Variants in PAWR observed in about 807,000 individuals in gnomAD.
The protein encoded by PAWR is pro-apoptotic WT1 regulator, also known as PRKC apoptosis WT1 regulator protein.
A neutral mutation model predicts 32.0 loss-of-function variants in PAWR; 23 were observed. The ratio of observed to expected loss-of-function variants is 0.72; its 90% CI spans 0.52 to 1.02. The LOEUF is 1.02. PAWR is among the 50% of genes least tolerant of loss of function. The pLI is 0.00. For synonymous variants in PAWR, 226 were observed against 187.1 expected (o/e 1.21, Z -1.70); for missense variants, 457 against 437.7 (o/e 1.04, Z -0.39).
At chr12:79,688,922 G>A (rs1021304279) in intron 2 of PAWR, among the ~76,000 whole-genome samples, 1 of 152,142 alleles carries the variant, frequency 6.6e-6, no homozygotes, top group South Asian at 2.1e-4. Flanking sequence ...GTAGAGGGAG[G>A]TGTGATTATA....
chr12:79,637,697 C>T (rs995673144), intron 2 of PAWR, among the ~76,000 whole-genome samples: 5 of 152,006 alleles, frequency 3.3e-5, no homozygotes, highest in African/African-American at 9.7e-5. Flanking sequence ...TAATATGCTA[C>T]GGTCTGCTAC....
chr12:79,599,645 C>T (rs1307432605), intron 4 of PAWR, among the ~76,000 whole-genome samples: 2 of 152,182 alleles, frequency 1.3e-5, no homozygotes, highest in Non-Finnish European at 2.9e-5. Flanking sequence ...CCAATGTGTT[C>T]ATCAAATTGT....
chr12:79,690,908 G>T lies in PAWR; in HGVS notation c.-184C>A, dbSNP rs1277165429. On this transcript the variant is annotated 5_prime_UTR_variant, in exon 1 of 7. Transcript: ENST00000328827. The stretch of plus-strand genomic sequence containing the variant: ...TTGTAGGGGACGAGGCGTAGGGCTG[G>T]GATCCGGCTCCCAGGTGTGCCGAAG... The T allele has an allele frequency of 6.6e-6, 1 of 152,238 alleles. No homozygotes were observed. The highest frequency in any genetic ancestry group is 1.5e-5 in the Non-Finnish European group (1 of 68,118). 9.4% of individuals were successfully genotyped at this position (152,238 alleles called of 1,614,324 possible).
At chr12:79,646,887 A>G (rs185872068) in intron 2 of PAWR, among the ~76,000 whole-genome samples, 1 of 152,248 alleles carries the variant, frequency 6.6e-6, no homozygotes, top group Non-Finnish European at 1.5e-5. Context: ...ATATTAACAT[A>G]GGCATTTTGG....
At chr12:79,609,647 T>C (rs539581443) in intron 4 of PAWR, among the ~76,000 whole-genome samples, 33 of 152,196 alleles carry the variant, frequency 2.2e-4, no homozygotes, top group African/African-American at 7.7e-4. Context: ...AAAGATTATC[T>C]TCCCACTCTA....
chr12:79,617,723 T>C (rs905840878), intron 3 of PAWR, among the ~76,000 whole-genome samples: 1 of 152,218 alleles, frequency 6.6e-6, no homozygotes, highest in Non-Finnish European at 1.5e-5. Context: ...TTAGCATATA[T>C]GTCTGATATA....
intron 2 of PAWR, 138 bp downstream of exon 2, chr12:79,689,591 T>G (rs1015999188): frequency 7.4e-6 from 7 of 951,674 alleles, no homozygotes; most frequent in Non-Finnish European, 1.1e-5. Context: ...CATCACCCCC[T>G]GCCTGCCTAA....
intron 4 of PAWR, among the ~76,000 whole-genome samples, chr12:79,612,033 T>C (rs965498999): frequency 1.3e-5 from 2 of 152,130 alleles, no homozygotes; most frequent in Non-Finnish European, 2.9e-5. Context: ...CCACAGTTTA[T>C]CTTTAGTCTC....
At chr12:79,690,767 C>T (rs1878982629) in intron 1 of PAWR, 105 bp downstream of exon 1, 1 of 152,570 alleles carries the variant, frequency 6.6e-6, no homozygotes. Context: ...GCTACAACCC[C>T]ACTCCCAAGG....
At chr12:79,594,705 G>A (rs556486879) in intron 5 of PAWR, among the ~76,000 whole-genome samples, 168 of 105,744 alleles carry the variant, frequency 1.6e-3, no homozygotes, top group African/African-American at 4.0e-3. Context: ...AACCTCGTGT[G>A]TGTGTGTGTG....
chr12:79,623,675 A>C (rs1274246098), intron 2 of PAWR, among the ~76,000 whole-genome samples: 2 of 152,304 alleles, frequency 1.3e-5, no homozygotes, highest in East Asian at 3.9e-4. Flanking sequence ...CTTAAGAAAA[A>C]TCTAGTATTG....
rs1417580379 is a variant in PAWR at position 79,588,525 on chromosome 12, C to G, written c.*4082G>C. On this transcript the variant is annotated 3_prime_UTR_variant, in exon 7 of 7. Coordinates refer to ENST00000328827, the MANE Select transcript of PAWR (RefSeq NM_002583.4). ...AGAACCTATTAACTAGATCTAAAAACAGTGGCTGAATACTTAACACAAAGA... is the reference window on the plus strand; with the variant it reads ...AGAACCTATTAACTAGATCTAAAAAGAGTGGCTGAATACTTAACACAAAGA... The G allele has an allele frequency of 1.3e-5, 2 of 151,846 alleles. No individual in the cohort carries two copies. The highest frequency in any genetic ancestry group is 2.9e-5 in the Non-Finnish European group (2 of 67,852). 9.4% of individuals were successfully genotyped at this position (151,846 alleles called of 1,614,324 possible).
At chr12:79,663,061 A>C (rs1434896562) in intron 2 of PAWR, among the ~76,000 whole-genome samples, 2 of 152,196 alleles carry the variant, frequency 1.3e-5, no homozygotes, top group African/African-American at 4.8e-5. Flanking sequence ...CCACCTACCT[A>C]ATTTTACACA....
chr12:79,677,869 G>C (rs1878244361), intron 2 of PAWR, among the ~76,000 whole-genome samples: 1 of 152,100 alleles, frequency 6.6e-6, no homozygotes, highest in Admixed American at 6.6e-5. Context: ...TTAAAGTGCA[G>C]GGCAAAGTAC....
chr12:79,620,865 C>T (rs940124168), intron 3 of PAWR, among the ~76,000 whole-genome samples: 1 of 152,016 alleles, frequency 6.6e-6, no homozygotes, highest in East Asian at 1.9e-4. Context: ...AACAGCCTAT[C>T]AAAGGATGCA....
intron 2 of PAWR, among the ~76,000 whole-genome samples, chr12:79,682,788 T>A (rs1366255107): frequency 6.6e-6 from 1 of 152,230 alleles, no homozygotes; most frequent in Non-Finnish European, 1.5e-5. Context: ...AAACAGAAAG[T>A]TGACTCAGCA....
chr12:79,639,874 CTATTCCT>C (rs1288186942), intron 2 of PAWR, among the ~76,000 whole-genome samples: 70 of 94,082 alleles, frequency 7.4e-4, no homozygotes, highest in African/African-American at 4.9e-3. Flanking sequence ...ATTCCTATTC[CTATTCCT>C]ATTCCATTCC....
rs1029265834 is a variant in PAWR at position 79,589,868 on chromosome 12, T to G, written c.*2739A>C. 3 of 152,182 alleles carry G rather than the reference T, an allele frequency of 2.0e-5. No individual in the cohort carries two copies. The highest frequency in any genetic ancestry group is 6.5e-5 in the Admixed American group (1 of 15,280). The allele number at this position is 152,182 out of a possible 1,614,324, so 9.4% of individuals were successfully genotyped here. A position where few individuals can be genotyped will look rare whatever the true frequency, so the allele number is the denominator to read the frequency against. On this transcript the variant is annotated 3_prime_UTR_variant, in exon 7 of 7. Coordinates refer to ENST00000328827, the MANE Select transcript of PAWR (RefSeq NM_002583.4). ...AGTATTTCTGAACAGGAATAATAAT[T>G]TCACAAATACTAACACTTTATTGAC... is the stretch of plus-strand genomic sequence containing the variant.
intron 4 of PAWR, among the ~76,000 whole-genome samples, chr12:79,609,922 G>A (rs1269441406): frequency 2.0e-5 from 3 of 152,176 alleles, no homozygotes; most frequent in African/African-American, 7.2e-5. Context: ...GGACTTCAGG[G>A]GTAGTGGGCA....
Sources: gnomAD v4.1 joint callset for allele counts (sites outside exome capture counted in the v4.1 genomes callset) on GRCh38, gnomAD v4.1.1 for gene constraint, MANE v1.5 for transcripts, NCBI Gene and HGNC (gene_info 2026-07-23, HGNC 2026-07-21) for gene names.